The following RALGDS variants were observed in gnomAD, a reference collection of about 807,000 sequenced individuals.
RALGDS encodes the protein ral guanine nucleotide dissociation stimulator, also known as ral guanine nucleotide exchange factor.
A neutral mutation model predicts 99.8 loss-of-function variants in RALGDS; 44 were observed. The ratio of observed to expected loss-of-function variants is 0.44; its 90% CI spans 0.35 to 0.57. The LOEUF is 0.57. Ranked by LOEUF, RALGDS falls within the 20% of genes least tolerant of loss-of-function variation. The probability of loss-of-function intolerance (pLI) is 0.01; values close to 1 mark genes in which losing one functional copy is unlikely to be tolerated. For synonymous variants in RALGDS, 529 were observed against 505.0 expected (o/e 1.05, Z -0.64); for missense variants, 1,022 against 1,203.1 (o/e 0.85, Z 2.23).
rs35200098 is a variant in RALGDS, at chr9:133,100,311, C to T, written c.2526G>A (p.Glu842=). 3,386 of 1,614,108 alleles carry T rather than the reference C, an allele frequency of 2.1e-3. 42 individuals are homozygous for T. The African/African-American group carries it at 0.027, about 13-fold the overall frequency. Residue 842 remains glutamate (E), a synonymous_variant, in exon 17 of 18, where the codon GAG becomes GAA. Transcript: ENST00000372050. The part of the protein sequence containing the change: ...AMDKHNLEEE[E]PEDYELLQIL... ...TCTGCAGCAGCTCATAGTCCTCCGG[C>T]TCCTCCTCCTCCAGGTTGTGTTTGT...
chr9:133,148,631 C>T (rs893469156), intron 1 of RALGDS, among the ~76,000 whole-genome samples: 4 of 152,246 alleles, frequency 2.6e-5, no homozygotes, highest in Non-Finnish European at 4.4e-5. Flanking sequence ...AATGAGCCCA[C>T]ATGGGAGATG....
At chr9:133,099,900 CT>C in intron 17 of RALGDS, 1 of 318,248 alleles carries the variant, frequency 3.1e-6, no homozygotes, top group Non-Finnish European at 6.1e-6. Context: ...GATTTTAACA[CT>C]TGACACTTTG....
intron 7 of RALGDS, 125 bp downstream of exon 7, chr9:133,106,960 G>A (rs1289380637): frequency 1.8e-6 from 2 of 1,100,726 alleles, no homozygotes; most frequent in African/African-American, 3.1e-5. Flanking sequence ...AGTGGGCTGG[G>A]AGAGTCAAGG....
At chr9:133,121,363 G>C, upstream of RALGDS, 1 of 376,446 alleles carries the variant, frequency 2.7e-6, no homozygotes, top group Non-Finnish European at 3.7e-6. Context: ...CGCGCCCGCG[G>C]CCCCGCCCTC....
chr9:133,146,622 T>C (rs908467259), intron 1 of RALGDS, among the ~76,000 whole-genome samples: 14 of 152,166 alleles, frequency 9.2e-5, no homozygotes, highest in South Asian at 4.1e-4. Context: ...CCGAGGGTGA[T>C]TGGATTTAGT....
chr9:133,130,532 C>A (rs1027628029), intron 1 of RALGDS, among the ~76,000 whole-genome samples: 4 of 152,082 alleles, frequency 2.6e-5, no homozygotes, highest in African/African-American at 9.7e-5. Flanking sequence ...GAAAAAACAC[C>A]ACCAAAGGTA....
At position 133,107,068 on chromosome 9, in the gene RALGDS, C is replaced by T. The variant is rs773825607; in HGVS notation, c.1413+17G>A. ...GATGAAGCCAAAGTGGGGGCCCAGG[C>T]CCCTCCTCTGGCATACCCTGGCCAC... On this transcript the variant is annotated intron_variant, in intron 7 of 17. Transcript: ENST00000372050. 2.2e-5 allele frequency: 36 copies of T among 1,612,696 alleles called. No individual in the cohort carries two copies. Among genetic ancestry groups the T allele is most frequent in the Non-Finnish European group, 3.1e-5 (36 of 1,179,702 alleles).
Position 133,098,117 on chromosome 9 carries a change from A to G in RALGDS, c.*470T>C, listed in dbSNP as rs1370612604. 1 of 276,298 alleles carries G rather than the reference A, an allele frequency of 3.6e-6. No individual in the cohort carries two copies. Among genetic ancestry groups the G allele is most frequent in the Non-Finnish European group, 7.0e-6 (1 of 143,208 alleles). The allele number at this position is 276,298 out of a possible 1,614,324, so 17.1% of individuals were successfully genotyped here. On this transcript the variant is annotated 3_prime_UTR_variant, in exon 18 of 18. Coordinates refer to ENST00000372050, the MANE Select transcript of RALGDS (RefSeq NM_006266.4). Reference sequence around the variant, plus strand: ...GCCCTGATGATGGAATCTTTGGTGCAGCCTGAGAAAGGCTAGAGTGGTGGG... The same window carrying G: ...GCCCTGATGATGGAATCTTTGGTGCGGCCTGAGAAAGGCTAGAGTGGTGGG...
chr9:133,105,825 G>GC lies in RALGDS; in HGVS notation c.1602+106dup. 4.2e-4 allele frequency: 37 copies of GC among 87,584 alleles called. 6 individuals are homozygous for GC. The highest frequency in any genetic ancestry group is 1.0e-3 in the South Asian group (9 of 9,002). 5.4% of individuals were successfully genotyped at this position (87,584 alleles called of 1,614,324 possible). A position where few individuals can be genotyped will look rare whatever the true frequency, so the allele number is the denominator to read the frequency against. Reference sequence around the variant, plus strand: ...GCGAATGCCACCGCCCGCCGCCCCAGCCCCCGCCCCAGCCCCCGCCCCAGC... The same window carrying GC: ...GCGAATGCCACCGCCCGCCGCCCCAGCCCCCCGCCCCAGCCCCCGCCCCAGC... On this transcript the variant is annotated intron_variant, in intron 9 of 17. Transcript: ENST00000372050.
upstream of RALGDS, among the ~76,000 whole-genome samples, chr9:133,134,064 T>TG (rs1190226228): frequency 3.3e-5 from 5 of 152,138 alleles, no homozygotes; most frequent in African/African-American, 1.2e-4. Flanking sequence ...GGTGTCCAGC[T>TG]GGGGGGACAC....
chr9:133,131,033 CG>C lies in RALGDS; in HGVS notation c.50del (p.Pro17ArgfsTer38), dbSNP rs1461714849. 1.4e-5 allele frequency: 21 copies of C among 1,533,402 alleles called. No homozygotes were observed. The East Asian group carries it at 5.2e-4, about 38-fold the overall frequency. 95.0% of individuals were successfully genotyped at this position (1,533,402 alleles called of 1,614,324 possible). A position where few individuals can be genotyped will look rare whatever the true frequency, so the allele number is the denominator to read the frequency against. On this transcript the variant is annotated frameshift_variant, in exon 1 of 18. Transcript: ENST00000372062. LOFTEE classifies it high-confidence loss of function. ...AGGGCAGGGAGCAGAACAGCAGAGG[CG>C]GGGAGGAGAGGGTGTGGGCAGGGGC...
Position 133,102,846 on chromosome 9 carries a change from T to C in RALGDS, c.1846A>G (p.Ser616Gly). The C allele has an allele frequency of 1.2e-6, 2 of 1,613,712 alleles. No homozygotes were observed. The highest frequency in any genetic ancestry group is 1.7e-6 in the Non-Finnish European group (2 of 1,179,976). ...CCAAATTGCTCATCTGGCGCGATGC[T>C]GTAGTTGTTGCAGGCCGACTGCAGC... ...KLLQSACNNY[S>G]IAPDEQFGAW... The change falls in exon 13 of 18, where the codon AGC becomes GGC. Residue 616 changes from serine (S) to glycine (G), a missense_variant. Transcript: ENST00000372050.
chr9:133,098,455 G>GA lies in RALGDS; in HGVS notation c.*131dup. Reference sequence around the variant, plus strand: ...TGGCAGGCGTCAATCCCAGCAGCGGGAGAGGTTCAGGATGAAACTGGAGTC... The same window carrying GA: ...TGGCAGGCGTCAATCCCAGCAGCGGGAAGAGGTTCAGGATGAAACTGGAGTC... On this transcript the variant is annotated 3_prime_UTR_variant, in exon 18 of 18. Transcript: ENST00000372050. 1 of 953,498 alleles carries GA rather than the reference G, an allele frequency of 1.0e-6. No homozygotes were observed. The highest frequency in any genetic ancestry group is 1.6e-6 in the Non-Finnish European group (1 of 620,116). 59.1% of individuals were successfully genotyped at this position (953,498 alleles called of 1,614,324 possible).
At chr9:133,119,668 GCCTCCCACCCCCAC>G (rs1468765409) in intron 1 of RALGDS, among the ~76,000 whole-genome samples, 2 of 152,124 alleles carry the variant, frequency 1.3e-5, no homozygotes, top group Non-Finnish European at 2.9e-5. Context: ...GCTGGTGTCA[GCCTCCCACCCCCAC>G]CCTCCCAGGG....
At chr9:133,104,173 G>GCC (rs1830902662) in intron 10 of RALGDS, 90 bp downstream of exon 10, 2 of 1,354,298 alleles carry the variant, frequency 1.5e-6, no homozygotes, top group African/African-American at 2.9e-5. Context: ...CTCTAATGGG[G>GCC]CCCATAGGCA....
rs560138808 is a variant in RALGDS at position 133,104,509 on chromosome 9, G to A, written c.1603-178C>T. The stretch of plus-strand genomic sequence containing the variant: ...GAGCCTGCCTCCCCCTCTGGAAAGT[G>A]CGGATGAGAACTCCGCCTGCTGCAT... On this transcript the variant is annotated intron_variant, in intron 9 of 17. Transcript: ENST00000372050. 4.6e-5 allele frequency: 29 copies of A among 634,792 alleles called. 2 individuals are homozygous for A. In the South Asian group the frequency reaches 5.2e-4, roughly 11 times the overall value. The allele number at this position is 634,792 out of a possible 1,614,324, so 39.3% of individuals were successfully genotyped here.
intron 1 of RALGDS, among the ~76,000 whole-genome samples, chr9:133,117,013 G>A (rs1184395520): frequency 6.6e-6 from 1 of 152,226 alleles, no homozygotes; most frequent in Admixed American, 6.5e-5. Flanking sequence ...GCATCTCCGA[G>A]AGGTTTGTGG....
At chr9:133,123,858 A>G (rs1832040765), upstream of RALGDS, among the ~76,000 whole-genome samples, 1 of 135,088 alleles carries the variant, frequency 7.4e-6, no homozygotes, top group African/African-American at 2.8e-5. Flanking sequence ...ACAGACACAC[A>G]AAGATACACA....
chr9:133,134,284 G>C (rs1026311022), upstream of RALGDS, among the ~76,000 whole-genome samples: 3 of 152,202 alleles, frequency 2.0e-5, no homozygotes, highest in African/African-American at 4.8e-5. Flanking sequence ...ACTGACACCT[G>C]TCACTGTGCA....
Sources: allele counts gnomAD v4.1 joint callset (sites outside exome capture counted in the v4.1 genomes callset), GRCh38; gene constraint gnomAD v4.1.1; transcripts MANE v1.5; gene names NCBI Gene and HGNC (gene_info 2026-07-23, HGNC 2026-07-21).